Variants in PTGFR observed in about 807,000 individuals in gnomAD.
The protein encoded by PTGFR is prostaglandin F2-alpha receptor.
Under a neutral mutation model 26.2 loss-of-function variants are expected in PTGFR, and 15 were observed. The ratio of observed to expected loss-of-function variants is 0.57; its 90% CI spans 0.38 to 0.88. The LOEUF is 0.88. PTGFR is among the 40% of genes least tolerant of loss of function. The probability of loss-of-function intolerance (pLI) is 0.00; values close to 1 mark genes in which losing one functional copy is unlikely to be tolerated. For synonymous variants in PTGFR, 165 were observed against 151.1 expected (o/e 1.09, Z -0.68); for missense variants, 369 against 427.2 (o/e 0.86, Z 1.20).
At position 78,493,544 on chromosome 1, in the gene PTGFR, A is replaced by G; in HGVS notation, c.798+3A>G. ...GTATTTGTTGGAGCCCATTTCTGGTAAGAGCCTGAAGTTTTGACTTCTGCT... is the reference window on the plus strand; with the variant it reads ...GTATTTGTTGGAGCCCATTTCTGGTGAGAGCCTGAAGTTTTGACTTCTGCT... On this transcript the variant is annotated splice_donor_region_variant and intron_variant, in intron 2 of 2. Coordinates refer to ENST00000370757, the MANE Select transcript of PTGFR (RefSeq NM_000959.4). 3.3e-6 allele frequency: 5 copies of G among 1,519,766 alleles called. No individual in the cohort carries two copies. The highest frequency in any genetic ancestry group is 4.4e-6 in the Non-Finnish European group (5 of 1,136,796). The allele number at this position is 1,519,766 out of a possible 1,614,324, so 94.1% of individuals were successfully genotyped here. A position where few individuals can be genotyped will look rare whatever the true frequency, so the allele number is the denominator to read the frequency against.
chr1:78,493,695 C>T (rs1649474067), intron 2 of PTGFR, among the ~76,000 whole-genome samples, 154 bp downstream of exon 2: 1 of 152,194 alleles, frequency 6.6e-6, no homozygotes, highest in African/African-American at 2.4e-5. Flanking sequence ...TGACATATGA[C>T]ACATATGGTT....
chr1:78,518,787 T>C (rs1481993580), intron 2 of PTGFR, among the ~76,000 whole-genome samples: 1 of 152,130 alleles, frequency 6.6e-6, no homozygotes, highest in Admixed American at 6.6e-5. Flanking sequence ...GTGTAAAACA[T>C]GAGCAGAGAT....
At chr1:78,516,811 T>C (rs760188136) in intron 2 of PTGFR, among the ~76,000 whole-genome samples, 3 of 151,834 alleles carry the variant, frequency 2.0e-5, no homozygotes, top group Non-Finnish European at 4.4e-5. Flanking sequence ...GTTAAAACCA[T>C]ATCCAGGGGA....
At chr1:78,504,630 C>T (rs1570275744) in intron 2 of PTGFR, among the ~76,000 whole-genome samples, 1 of 152,074 alleles carries the variant, frequency 6.6e-6, no homozygotes, top group Non-Finnish European at 1.5e-5. Context: ...AAATGCTTTT[C>T]TCAGGCTGAG....
intron 2 of PTGFR, among the ~76,000 whole-genome samples, chr1:78,527,939 G>A (rs772886332): frequency 2.6e-5 from 4 of 152,076 alleles, no homozygotes; most frequent in Non-Finnish European, 5.9e-5. Flanking sequence ...CGGTTTAATG[G>A]AGTCATGGCA....
At chr1:78,521,559 T>A (rs927971796) in intron 2 of PTGFR, among the ~76,000 whole-genome samples, 9 of 152,268 alleles carry the variant, frequency 5.9e-5, no homozygotes, top group Middle Eastern at 3.4e-3. Flanking sequence ...GGGAAGTGAT[T>A]TTGATTTTTC....
chr1:78,537,855 T>C lies in PTGFR; in HGVS notation c.*1168T>C, dbSNP rs1235474415. ...AATAATCTCTCCCCAAATTTTCCAA[T>C]AATAATTGAGACTTTTTCTTTGCTT... On this transcript the variant is annotated 3_prime_UTR_variant, in exon 3 of 3. Coordinates refer to ENST00000370757, the MANE Select transcript of PTGFR (RefSeq NM_000959.4). 1 of 152,142 alleles carries C rather than the reference T, an allele frequency of 6.6e-6. No homozygotes were observed. Among genetic ancestry groups the C allele is most frequent in the Non-Finnish European group, 1.5e-5 (1 of 68,004 alleles). The allele number at this position is 152,142 out of a possible 1,614,324, so 9.4% of individuals were successfully genotyped here.
intron 2 of PTGFR, among the ~76,000 whole-genome samples, chr1:78,521,832 T>C (rs1004715690): frequency 6.6e-6 from 1 of 152,142 alleles, no homozygotes; most frequent in African/African-American, 2.4e-5. Flanking sequence ...CTACTATATA[T>C]AAATTTCACT....
chr1:78,509,888 C>G (rs995115110), intron 2 of PTGFR, among the ~76,000 whole-genome samples: 1 of 152,202 alleles, frequency 6.6e-6, no homozygotes, highest in South Asian at 2.1e-4. Context: ...TATATCAACA[C>G]TCTCATCTTA....
At chr1:78,499,194 C>T (rs1376892039) in intron 2 of PTGFR, among the ~76,000 whole-genome samples, 3 of 152,156 alleles carry the variant, frequency 2.0e-5, no homozygotes, top group Admixed American at 6.5e-5. Flanking sequence ...TTGACATTCA[C>T]GTGACTCTCT....
At chr1:78,494,939 T>A (rs1649510215) in intron 2 of PTGFR, among the ~76,000 whole-genome samples, 1 of 152,232 alleles carries the variant, frequency 6.6e-6, no homozygotes, top group South Asian at 2.1e-4. Context: ...CCAGATGATT[T>A]TGATACACAT....
intron 2 of PTGFR, among the ~76,000 whole-genome samples, chr1:78,519,790 A>T (rs1300016613): frequency 1.3e-5 from 2 of 152,086 alleles, no homozygotes; most frequent in Non-Finnish European, 2.9e-5. Context: ...TTCTGGACCA[A>T]AGGGCTCCTG....
intron 2 of PTGFR, 51 bp from the exon 3 acceptor site, chr1:78,536,355 T>C: frequency 2.0e-6 from 3 of 1,523,932 alleles, no homozygotes; most frequent in Non-Finnish European, 1.8e-6. Context: ...TTAAAAATTA[T>C]AGGATTGAAA....
At chr1:78,503,401 A>G (rs1649755235) in intron 2 of PTGFR, among the ~76,000 whole-genome samples, 1 of 152,200 alleles carries the variant, frequency 6.6e-6, no homozygotes, top group Non-Finnish European at 1.5e-5. Flanking sequence ...AAAGAAAAAC[A>G]ATTAAATCAT....
Position 78,536,747 on chromosome 1 carries a change from T to C in PTGFR, c.*60T>C, listed in dbSNP as rs1388265088. 20 of 1,513,666 alleles carry C rather than the reference T, an allele frequency of 1.3e-5. No homozygotes were observed. The South Asian group carries it at 2.0e-4, about 15-fold the overall frequency. 93.8% of individuals were successfully genotyped at this position (1,513,666 alleles called of 1,614,324 possible). On this transcript the variant is annotated 3_prime_UTR_variant, in exon 3 of 3. Transcript: ENST00000370757. Reference sequence around the variant, plus strand: ...CAAAATTAAGACATGTTTGGCAATATTTCAGTTAGTTAAATACCTGTAGCC... The same window carrying C: ...CAAAATTAAGACATGTTTGGCAATACTTCAGTTAGTTAAATACCTGTAGCC...
chr1:78,524,906 A>ATTTTTTTTTTTT (rs35641651), intron 2 of PTGFR, among the ~76,000 whole-genome samples: 20 of 70,528 alleles, frequency 2.8e-4, no homozygotes, highest in Non-Finnish European at 5.1e-4. Flanking sequence ...CAAATGCAAG[A>ATTTTTTTTTTTT]TTTTTTTTTT....
chr1:78,514,298 G>C lies in PTGFR; in HGVS notation c.798+20757G>C, dbSNP rs1391386317. ...CCACAGGGGTGGATCTTCCCCCTTGGGAGCTCACTCCTTGCATCAGTGTAC... is the reference window on the plus strand; with the variant it reads ...CCACAGGGGTGGATCTTCCCCCTTGCGAGCTCACTCCTTGCATCAGTGTAC... On this transcript the variant is annotated intron_variant, in intron 2 of 2. Coordinates refer to ENST00000370757, the MANE Select transcript of PTGFR (RefSeq NM_000959.4). Among the ~76,000 whole-genome samples, 6 of 152,276 alleles carry C rather than the reference G, an allele frequency of 3.9e-5. No homozygotes were observed. The East Asian group carries it at 1.2e-3, about 29-fold the overall frequency.
At position 78,536,677 on chromosome 1, in the gene PTGFR, C is replaced by CA; in HGVS notation, c.1072dup (p.Ser358LysfsTer5). ...GAGTCACCAGTTGCAGAGAAATCAGCAAGCACCTAGCTTAATAGGACAGTA... is the reference window on the plus strand; with the variant it reads ...GAGTCACCAGTTGCAGAGAAATCAGCAAAGCACCTAGCTTAATAGGACAGTA... On this transcript the variant is annotated frameshift_variant, in exon 3 of 3. Transcript: ENST00000370757. LOFTEE classifies it high-confidence loss of function. The CA allele has an allele frequency of 6.2e-7, 1 of 1,611,730 alleles. No homozygotes were observed.
At chr1:78,533,541 T>C (rs1281699826) in intron 2 of PTGFR, among the ~76,000 whole-genome samples, 1 of 152,214 alleles carries the variant, frequency 6.6e-6, no homozygotes, top group African/African-American at 2.4e-5. Context: ...ATTTCTGTTT[T>C]ACTCACATTA....
Sources: allele counts gnomAD v4.1 joint callset (sites outside exome capture counted in the v4.1 genomes callset), GRCh38; gene constraint gnomAD v4.1.1; transcripts MANE v1.5; gene names NCBI Gene and HGNC (gene_info 2026-07-23, HGNC 2026-07-21).